Variants in CELSR1 observed in about 807,000 individuals in gnomAD.
CELSR1 encodes the protein adhesion G protein-coupled receptor C1.
CELSR1 carries 110 observed loss-of-function variants against 249.1 expected under a neutral mutation model. That is an observed-to-expected ratio of 0.44 (90% confidence interval 0.38 to 0.52). The LOEUF (loss-of-function observed/expected upper bound fraction) is 0.52. Ranked by LOEUF, CELSR1 falls within the 20% of genes least tolerant of loss-of-function variation. The probability of loss-of-function intolerance (pLI) is 0.00; values close to 1 mark genes in which losing one functional copy is unlikely to be tolerated. For missense variants in CELSR1, 4,109 were observed against 4,296.4 expected (o/e 0.96, Z 1.22); for synonymous variants, 2,113 against 1,900.0 (o/e 1.11, Z -2.92).
rs572204422 is a variant in CELSR1, at chr22:46,410,616, C to T, written c.4770-55G>A. ...TCAGGGCGGGGAGAGGCGGCCACGG[C>T]GGGCTGGGCTCCGCAGTTGCCTCTG... On this transcript the variant is annotated intron_variant, in intron 6 of 34. Coordinates refer to ENST00000674500, the MANE Select transcript of CELSR1 (RefSeq NM_001378328.1). This position sits in a 1 kb window ranked among gnomAD's most constrained non-coding sequence, Gnocchi z 6.8. 1,071 of 1,584,414 alleles carry T rather than the reference C, an allele frequency of 6.8e-4. 3 individuals are homozygous for T. In the African/African-American group the frequency reaches 0.011, roughly 17 times the overall value.
At position 46,472,847 on chromosome 22, in the gene CELSR1, G is replaced by A. The variant is rs1416336848; in HGVS notation, c.3545-8502C>T. ...TCCTAGGTGCACCCCTCTGGCCTCT[G>A]CCTCTGCGCCAAGTGGCTATGGCTC... On this transcript the variant is annotated intron_variant, in intron 1 of 34. Transcript: ENST00000674500. This position sits in a 1 kb window ranked among gnomAD's most constrained non-coding sequence, Gnocchi z 7.0. Among the ~76,000 whole-genome samples, 1 of 152,172 alleles carries A rather than the reference G, an allele frequency of 6.6e-6. No individual in the cohort carries two copies. The highest frequency in any genetic ancestry group is 1.5e-5 in the Non-Finnish European group (1 of 68,040).
At position 46,395,928 on chromosome 22, in the gene CELSR1, G is replaced by A. The variant is rs1212109221; in HGVS notation, c.5843+677C>T. Among the ~76,000 whole-genome samples, 1 of 152,130 alleles carries A rather than the reference G, an allele frequency of 6.6e-6. No homozygotes were observed. Among genetic ancestry groups the A allele is most frequent in the Non-Finnish European group, 1.5e-5 (1 of 68,026 alleles). On this transcript the variant is annotated intron_variant, in intron 13 of 34. Transcript: ENST00000674500. The surrounding 1 kb of genome is among the most constrained non-coding windows in gnomAD (Gnocchi z 5.5). The stretch of plus-strand genomic sequence containing the variant: ...CTGTCCTAACCACACTAGGATCTCC[G>A]CACACATCAGAAATGACTTCAAGCC...
intron 23 of CELSR1, among the ~76,000 whole-genome samples, chr22:46,378,174 G>A (rs917917390): frequency 2.6e-5 from 4 of 152,356 alleles, no homozygotes; most frequent in South Asian, 4.1e-4. Flanking sequence ...TGGCCCCGAG[G>A]GAGAGCGCCC....
rs1298910724 is a variant in CELSR1 at position 46,463,692 on chromosome 22, A to T, written c.4183+15T>A. 4 of 1,505,180 alleles carry T rather than the reference A, an allele frequency of 2.7e-6. No individual in the cohort carries two copies. The South Asian group carries it at 5.5e-5, about 21-fold the overall frequency. 93.2% of individuals were successfully genotyped at this position (1,505,180 alleles called of 1,614,324 possible). On this transcript the variant is annotated intron_variant, in intron 2 of 34. Coordinates refer to ENST00000674500, the MANE Select transcript of CELSR1 (RefSeq NM_001378328.1). ...GGGACATGTACACAAAGCCAGGGTG[A>T]GCCCGGGCACCTACCAGTGAAGTCC...
In CELSR1 at chr22:46,506,303, C is replaced by T. The variant is rs922940293; in HGVS notation, c.3544+27324G>A. On this transcript the variant is annotated intron_variant, in intron 1 of 34. Coordinates refer to ENST00000674500, the MANE Select transcript of CELSR1 (RefSeq NM_001378328.1). The surrounding 1 kb of genome is among the most constrained non-coding windows in gnomAD (Gnocchi z 4.1). ...ATCCCTCCAAGCCTGGCACCTCCAC[C>T]GTGCCTGGCCTGGGGGAGCAGCAGA... Among the ~76,000 whole-genome samples, 2 of 152,208 alleles carry T rather than the reference C, an allele frequency of 1.3e-5. No individual in the cohort carries two copies. Among genetic ancestry groups the T allele is most frequent in the Non-Finnish European group, 2.9e-5 (2 of 68,028 alleles).
chr22:46,468,429 T>C lies in CELSR1; in HGVS notation c.3545-4084A>G, dbSNP rs2080121152. On this transcript the variant is annotated intron_variant, in intron 1 of 34. Coordinates refer to ENST00000674500, the MANE Select transcript of CELSR1 (RefSeq NM_001378328.1). The surrounding 1 kb of genome is among the most constrained non-coding windows in gnomAD (Gnocchi z 4.5). Reference sequence around the variant, plus strand: ...GGTCCATGCATACTATGGAATATTATCCAGCCTTAAAAAGGGAGGAAATTC... The same window carrying C: ...GGTCCATGCATACTATGGAATATTACCCAGCCTTAAAAAGGGAGGAAATTC... Among the ~76,000 whole-genome samples the C allele has an allele frequency of 6.6e-6, 1 of 151,708 alleles. No homozygotes were observed. Among genetic ancestry groups the C allele is most frequent in the Non-Finnish European group, 1.5e-5 (1 of 67,976 alleles).
chr22:46,463,783 G>T lies in CELSR1; in HGVS notation c.4107C>A (p.Ser1369=), dbSNP rs146704932. 3.1e-6 allele frequency: 5 copies of T among 1,597,692 alleles called. No individual in the cohort carries two copies. In the African/African-American group the frequency reaches 4.0e-5, roughly 13 times the overall value. The change falls in exon 2 of 35, where the codon TCC becomes TCA. Residue 1369 remains serine, a synonymous_variant. Coordinates refer to ENST00000674500, the MANE Select transcript of CELSR1 (RefSeq NM_001378328.1). ...AGCGGCCGTTGGCGCCGCACGGGTC[G>T]GAGTAGCAGAGGTCGATCTCCGTCT... is the stretch of plus-strand genomic sequence containing the variant. ...YCETEIDLCY[S]DPCGANGRCR... is the part of the protein sequence containing the mutation.
rs1343731714 is a variant in CELSR1 at position 46,537,582 on chromosome 22, C to T, written c.-412G>A. Among the ~76,000 whole-genome samples the T allele has an allele frequency of 6.8e-6, 1 of 147,254 alleles. No individual in the cohort carries two copies. Among genetic ancestry groups the T allele is most frequent in the Non-Finnish European group, 1.5e-5 (1 of 66,120 alleles). ...GCGGGCTGGGCAGCTCCGCGCCGCG[C>T]AGACCCCGGCGGCCGGCTGCTGCCT... On this transcript the variant is annotated 5_prime_UTR_variant, in exon 1 of 35. Coordinates refer to ENST00000674500, the MANE Select transcript of CELSR1 (RefSeq NM_001378328.1). This position sits in a 1 kb window ranked among gnomAD's most constrained non-coding sequence, Gnocchi z 5.8.
Position 46,367,755 on chromosome 22 carries a change from G to A in CELSR1, c.8053C>T (p.Leu2685Phe), listed in dbSNP as rs1440311776. ...TGTAAGCCGCTGAAGATGGCGAAGA[G>A]GTAGTGAAAGCTCAGTGCATCGCGG... is the stretch of plus-strand genomic sequence containing the variant. ...VNRDALSFHYLFAIFSGLQGP... is the reference protein window; with the variant it reads ...VNRDALSFHYFFAIFSGLQGP... The change falls in exon 28 of 35, where the codon CTC becomes TTC. Residue 2685 changes from leucine (L) to phenylalanine (F), a missense_variant. Physicochemically the swap from Leu to Phe is conservative, Grantham distance 22. Transcript: ENST00000674500. The A allele has an allele frequency of 1.2e-6, 2 of 1,606,976 alleles. No homozygotes were observed. The highest frequency in any genetic ancestry group is 1.7e-6 in the Non-Finnish European group (2 of 1,177,766).
chr22:46,516,858 C>T (rs1247092236), intron 1 of CELSR1, among the ~76,000 whole-genome samples: 1 of 152,194 alleles, frequency 6.6e-6, no homozygotes, highest in Non-Finnish European at 1.5e-5. Flanking sequence ...GGCAGGCGGC[C>T]GAGGGCTGTC....
rs1452463629 is a variant in CELSR1 at position 46,363,079 on chromosome 22, C to CCCA, written c.*143_*144insTGG. Reference sequence around the variant, plus strand: ...AGTCGGGGGGCTGCCACCATGGGGACCGCCACACTCTGGGCCCACTCCACT... The same window carrying CCCA: ...AGTCGGGGGGCTGCCACCATGGGGACCCACGCCACACTCTGGGCCCACTCCACT... On this transcript the variant is annotated 3_prime_UTR_variant, in exon 35 of 35. Coordinates refer to ENST00000674500, the MANE Select transcript of CELSR1 (RefSeq NM_001378328.1). The surrounding 1 kb of genome is among the most constrained non-coding windows in gnomAD (Gnocchi z 4.3). The CCCA allele has an allele frequency of 1.3e-5, 21 of 1,556,168 alleles. No individual in the cohort carries two copies. Among genetic ancestry groups the CCCA allele is most frequent in the Non-Finnish European group, 1.7e-5 (19 of 1,131,744 alleles).
chr22:46,393,131 C>T lies in CELSR1; in HGVS notation c.5964+1011G>A, dbSNP rs574340133. ...GCTTCCCTCCTAGGGCCAGCCGCAT[C>T]TGCAGGAAGCTCACGTCCCTCGCCC... On this transcript the variant is annotated intron_variant, in intron 14 of 34. Transcript: ENST00000674500. The surrounding 1 kb of genome is among the most constrained non-coding windows in gnomAD (Gnocchi z 4.1). Among the ~76,000 whole-genome samples the T allele has an allele frequency of 1.3e-5, 2 of 152,292 alleles. No individual in the cohort carries two copies. The highest frequency in any genetic ancestry group is 3.9e-4 in the East Asian group (2 of 5,184).
At chr22:46,444,928 G>A (rs560911721) in intron 2 of CELSR1, among the ~76,000 whole-genome samples, 5 of 152,194 alleles carry the variant, frequency 3.3e-5, no homozygotes, top group East Asian at 1.9e-4. Flanking sequence ...ACACCAGGCC[G>A]GGAGCGGTGG....
At chr22:46,370,009 A>T in intron 25 of CELSR1, 1 of 652,392 alleles carries the variant, frequency 1.5e-6, no homozygotes, top group Non-Finnish European at 2.8e-6. Context: ...CCCAGGTGGC[A>T]GGAGCTGCTC....
At chr22:46,476,404 T>C (rs2080208486) in intron 1 of CELSR1, among the ~76,000 whole-genome samples, 1 of 152,066 alleles carries the variant, frequency 6.6e-6, no homozygotes, top group Non-Finnish European at 1.5e-5. Context: ...GAGACCAGCC[T>C]GGGCAACATG....
intron 1 of CELSR1, among the ~76,000 whole-genome samples, chr22:46,521,926 C>T (rs1401125346): frequency 1.3e-5 from 2 of 152,356 alleles, no homozygotes; most frequent in Middle Eastern, 3.4e-3. Flanking sequence ...AACCTCCATA[C>T]TGTGTTCCAC....
Position 46,390,812 on chromosome 22 carries a change from T to G in CELSR1, c.6251-326A>C, listed in dbSNP as rs2079082045. Reference sequence around the variant, plus strand: ...CAGGAATCCATTTCGGCTGGGCCTTTCCTTGCCTCACTGGATTTTCCAGAC... The same window carrying G: ...CAGGAATCCATTTCGGCTGGGCCTTGCCTTGCCTCACTGGATTTTCCAGAC... On this transcript the variant is annotated intron_variant, in intron 16 of 34. Coordinates refer to ENST00000674500, the MANE Select transcript of CELSR1 (RefSeq NM_001378328.1). This position sits in a 1 kb window ranked among gnomAD's most constrained non-coding sequence, Gnocchi z 6.3. Among the ~76,000 whole-genome samples, 1 of 152,204 alleles carries G rather than the reference T, an allele frequency of 6.6e-6. No homozygotes were observed. The highest frequency in any genetic ancestry group is 2.4e-5 in the African/African-American group (1 of 41,448).
At position 46,534,286 on chromosome 22, in the gene CELSR1, G is replaced by T. The variant is rs774369236; in HGVS notation, c.2885C>A (p.Ala962Asp). The change falls in exon 1 of 35, where the codon GCC (alanine) becomes GAC (aspartate). Residue 962 changes from alanine (A) to aspartate (D), a missense_variant. Coordinates refer to ENST00000674500, the MANE Select transcript of CELSR1 (RefSeq NM_001378328.1). This position sits in a 1 kb window ranked among gnomAD's most constrained non-coding sequence, Gnocchi z 9.7. Reference protein sequence around the residue: ...TQRRLDRENVAVYNLWALAVD... With the variant: ...TQRRLDRENVDVYNLWALAVD... ...AGCCAGAGCCCAAAGGTTGTACACG[G>T]CCACATTCTCCCGGTCCAGCCGGCG... is the stretch of plus-strand genomic sequence containing the variant. 1 of 1,613,246 alleles carries T rather than the reference G, an allele frequency of 6.2e-7. No individual in the cohort carries two copies. Among genetic ancestry groups the T allele is most frequent in the Non-Finnish European group, 8.5e-7 (1 of 1,179,986 alleles).
In CELSR1 at chr22:46,428,705, C is replaced by T. The variant is rs919311447; in HGVS notation, c.4611+4688G>A. Among the ~76,000 whole-genome samples the T allele has an allele frequency of 4.6e-5, 7 of 152,234 alleles. No individual in the cohort carries two copies. Among genetic ancestry groups the T allele is most frequent in the African/African-American group, 1.4e-4 (6 of 41,454 alleles). Reference sequence around the variant, plus strand: ...AGTGCCCAGGTGGGAAATCCTGACGCGGCTGCTCACCGCCTCCCACATCTG... The same window carrying T: ...AGTGCCCAGGTGGGAAATCCTGACGTGGCTGCTCACCGCCTCCCACATCTG... On this transcript the variant is annotated intron_variant, in intron 5 of 34. Transcript: ENST00000674500. This position sits in a 1 kb window ranked among gnomAD's most constrained non-coding sequence, Gnocchi z 5.7.
Sources: allele counts gnomAD v4.1 joint callset (sites outside exome capture counted in the v4.1 genomes callset), GRCh38; gene constraint gnomAD v4.1.1; non-coding constraint Gnocchi (gnomAD v3.1); transcripts MANE v1.5; gene names NCBI Gene and HGNC (gene_info 2026-07-23, HGNC 2026-07-21).